KCMF1: variants seen among roughly 807,000 people sequenced by gnomAD.
KCMF1 encodes the protein potassium channel modulatory factor 1.
In KCMF1, 3 loss-of-function variants were observed where a neutral mutation model predicts 41.1. The observed-to-expected ratio is 0.07, with a 90% CI of 0.03 to 0.19. The LOEUF (loss-of-function observed/expected upper bound fraction) is 0.19. KCMF1 is among the 10% of genes least tolerant of loss of function. The pLI, the probability that KCMF1 is intolerant of heterozygous loss-of-function variation, is 1.00. For synonymous variants in KCMF1, 142 were observed against 164.5 expected, an observed-to-expected ratio of 0.86 and a Z score of 1.04; for missense variants, 286 against 488.9, an observed-to-expected ratio of 0.58 and a Z score of 3.91.
intron 2 of KCMF1, 105 bp downstream of exon 2, chr2:85,028,161 C>A: frequency 1.5e-6 from 1 of 655,732 alleles, no homozygotes; most frequent in Non-Finnish European, 2.5e-6. Context: ...ACCATAAGCC[C>A]CAAATTCATT....
At chr2:85,052,313 C>T (rs1247187165) in intron 6 of KCMF1, among the ~76,000 whole-genome samples, 9 of 152,146 alleles carry the variant, frequency 5.9e-5, no homozygotes, top group Admixed American at 1.3e-4. Context: ...TCAGGTGATC[C>T]GCCCGCCTTG....
chr2:85,016,486 T>G (rs2104011641), intron 1 of KCMF1, among the ~76,000 whole-genome samples: 1 of 152,108 alleles, frequency 6.6e-6, no homozygotes, highest in South Asian at 2.1e-4. Flanking sequence ...CAAGGGATGA[T>G]TTATATTTCC....
At chr2:84,976,045 A>AT (rs983010716) in intron 1 of KCMF1, among the ~76,000 whole-genome samples, 2 of 152,132 alleles carry the variant, frequency 1.3e-5, no homozygotes, top group African/African-American at 2.4e-5. Context: ...AGGAAGATGC[A>AT]TTTTTTACGT....
At chr2:84,996,312 G>A (rs1377165892) in intron 1 of KCMF1, among the ~76,000 whole-genome samples, 1 of 151,710 alleles carries the variant, frequency 6.6e-6, no homozygotes, top group African/African-American at 2.4e-5. Flanking sequence ...GTAAATTGAC[G>A]ATAATAAGAC....
In KCMF1 at chr2:85,055,078, A is replaced by G. The variant is rs1242792453; in HGVS notation, c.*1669A>G. 6.6e-6 allele frequency: 1 copy of G among 152,246 alleles called. No homozygotes were observed. Among genetic ancestry groups the G allele is most frequent in the Non-Finnish European group, 1.5e-5 (1 of 68,034 alleles). The allele number at this position is 152,246 out of a possible 1,614,324, so 9.4% of individuals were successfully genotyped here. On this transcript the variant is annotated 3_prime_UTR_variant, in exon 7 of 7. Transcript: ENST00000409785. The stretch of plus-strand genomic sequence containing the variant: ...CTGTAATGGATAATGTTTAAAGGAA[A>G]ACTTTACACCAGGCTTCTGGTTACA...
chr2:84,982,489 C>T (rs952919662), intron 1 of KCMF1, among the ~76,000 whole-genome samples: 1 of 146,124 alleles, frequency 6.8e-6, no homozygotes, highest in Non-Finnish European at 1.5e-5. Flanking sequence ...GCAACCTCCA[C>T]CTCCTGGGTT....
intron 4 of KCMF1, among the ~76,000 whole-genome samples, chr2:85,045,558 T>C (rs1277644621): frequency 6.6e-6 from 1 of 152,240 alleles, no homozygotes; most frequent in Non-Finnish European, 1.5e-5. Context: ...AACGTAAGGT[T>C]GTCTTCATGA....
chr2:85,040,726 A>T (rs1168692466), intron 3 of KCMF1, among the ~76,000 whole-genome samples: 1 of 150,442 alleles, frequency 6.6e-6, no homozygotes, highest in Non-Finnish European at 1.5e-5. Flanking sequence ...AACATCTTCC[A>T]CTTGGTTCTA....
At chr2:85,004,265 A>G (rs982459632) in intron 1 of KCMF1, among the ~76,000 whole-genome samples, 7 of 152,182 alleles carry the variant, frequency 4.6e-5, no homozygotes, top group Non-Finnish European at 8.8e-5. Flanking sequence ...TAATCCCAGC[A>G]CTTTGGGAGG....
At chr2:84,981,292 C>T (rs1402264793) in intron 1 of KCMF1, among the ~76,000 whole-genome samples, 1 of 151,040 alleles carries the variant, frequency 6.6e-6, no homozygotes, top group Non-Finnish European at 1.5e-5. Context: ...CGGGTTCATG[C>T]CATTCTCCTG....
intron 1 of KCMF1, among the ~76,000 whole-genome samples, chr2:84,986,797 G>T (rs557311610): frequency 6.6e-6 from 1 of 152,084 alleles, no homozygotes; most frequent in African/African-American, 2.4e-5. Context: ...CAGGAGACTC[G>T]CTTGAACCCG....
At chr2:84,982,559 G>A (rs1329385576) in intron 1 of KCMF1, among the ~76,000 whole-genome samples, 1 of 151,628 alleles carries the variant, frequency 6.6e-6, no homozygotes, top group Admixed American at 6.6e-5. Flanking sequence ...GCACCACCAT[G>A]CCCTAATTTT....
intron 1 of KCMF1, among the ~76,000 whole-genome samples, chr2:84,988,298 G>A (rs1313037286): frequency 6.6e-6 from 1 of 152,046 alleles, no homozygotes; most frequent in East Asian, 1.9e-4. Context: ...GAGGCAGCAA[G>A]GGGAGAAACT....
intron 1 of KCMF1, among the ~76,000 whole-genome samples, chr2:84,973,166 A>T (rs777345389): frequency 6.6e-6 from 1 of 152,232 alleles, no homozygotes; most frequent in Non-Finnish European, 1.5e-5. Context: ...TTAGTTAGAG[A>T]ATCACAGCCA....
In KCMF1 at chr2:85,056,750, G is replaced by A. The variant is rs1320743472; in HGVS notation, c.*3341G>A. On this transcript the variant is annotated 3_prime_UTR_variant, in exon 7 of 7. Coordinates refer to ENST00000409785, the MANE Select transcript of KCMF1 (RefSeq NM_020122.5). The stretch of plus-strand genomic sequence containing the variant: ...TGTGTAAAAAACTAAGTGTGATGGA[G>A]GAATGGGTGCTAAAAGCTCTTAACA... 6.6e-6 allele frequency: 1 copy of A among 152,110 alleles called. No individual in the cohort carries two copies. The highest frequency in any genetic ancestry group is 1.5e-5 in the Non-Finnish European group (1 of 68,050). 9.4% of individuals were successfully genotyped at this position (152,110 alleles called of 1,614,324 possible). A position where few individuals can be genotyped will look rare whatever the true frequency, so the allele number is the denominator to read the frequency against.
At chr2:85,047,274 A>T (rs1326247328) in intron 5 of KCMF1, among the ~76,000 whole-genome samples, 1 of 152,182 alleles carries the variant, frequency 6.6e-6, no homozygotes, top group African/African-American at 2.4e-5. Context: ...AAGTACACAT[A>T]AAAAAATGTC....
chr2:85,004,259 C>T (rs192898659), intron 1 of KCMF1, among the ~76,000 whole-genome samples: 261 of 152,180 alleles, frequency 1.7e-3, no homozygotes, highest in African/African-American at 6.1e-3. Flanking sequence ...CACCTGTAAT[C>T]CCAGCACTTT....
At position 85,059,425 on chromosome 2, in the gene KCMF1, T is replaced by C. The variant is rs1676012156; in HGVS notation, c.*6016T>C. The C allele has an allele frequency of 6.6e-6, 1 of 152,214 alleles. No homozygotes were observed. Among genetic ancestry groups the C allele is most frequent in the Admixed American group, 6.5e-5 (1 of 15,270 alleles). 9.4% of individuals were successfully genotyped at this position (152,214 alleles called of 1,614,324 possible). A position where few individuals can be genotyped will look rare whatever the true frequency, so the allele number is the denominator to read the frequency against. On this transcript the variant is annotated 3_prime_UTR_variant, in exon 7 of 7. Transcript: ENST00000409785. ...TTACCTTTTATAACATCACCACCTG[T>C]CATGAAGCTTATCTGTTTTCTGATT...
intron 5 of KCMF1, among the ~76,000 whole-genome samples, chr2:85,047,327 A>G (rs1675692121): frequency 6.6e-6 from 1 of 152,208 alleles, no homozygotes; most frequent in Admixed American, 6.5e-5. Context: ...TATAGCTAAC[A>G]TTTTTAAGAA....
Sources: gnomAD v4.1 joint callset for allele counts (sites outside exome capture counted in the v4.1 genomes callset) on GRCh38, gnomAD v4.1.1 for gene constraint, MANE v1.5 for transcripts, NCBI Gene and HGNC (gene_info 2026-07-23, HGNC 2026-07-21) for gene names.